The following FEM1B variants were observed in gnomAD, a reference collection of about 807,000 sequenced individuals.
FEM1B encodes the protein fem-1 homolog B, also known as protein fem-1 homolog B.
FEM1B carries 10 observed loss-of-function variants against 38.6 expected under a neutral mutation model. That is an observed-to-expected ratio of 0.26 (90% CI 0.16 to 0.44). The LOEUF is 0.44. FEM1B is among the 20% of genes least tolerant of loss of function. The pLI is 1.00. For synonymous variants in FEM1B, 288 were observed against 288.0 expected (o/e 1.00, Z 0.00); for missense variants, 471 against 786.7 (o/e 0.60, Z 4.80).
rs1052742255 is a variant in FEM1B at position 68,278,943 on chromosome 15, A to G, written c.248+278A>G. On this transcript the variant is annotated intron_variant, in intron 1 of 1. Coordinates refer to ENST00000306917, the MANE Select transcript of FEM1B (RefSeq NM_015322.5). This position sits in a 1 kb window ranked among gnomAD's most constrained non-coding sequence, Gnocchi z 5.7. ...AAATCTAATAGTCGTCTTCTCTACTAGATAGTCTGTGAACAAGCCATTTGG... is the reference window on the plus strand; with the variant it reads ...AAATCTAATAGTCGTCTTCTCTACTGGATAGTCTGTGAACAAGCCATTTGG... 6.6e-6 allele frequency among the ~76,000 whole-genome samples: 1 copy of G among 152,106 alleles called. No homozygotes were observed. The highest frequency in any genetic ancestry group is 1.5e-5 in the Non-Finnish European group (1 of 68,034).
rs1045962298 is a variant in FEM1B, at chr15:68,284,957, C to A, written c.249-4650C>A. Reference sequence around the variant, plus strand: ...CTTGCCTTCTGCCATGATTGTGAAGCCTCCCCACCCATGTGGAACTGTAAG... The same window carrying A: ...CTTGCCTTCTGCCATGATTGTGAAGACTCCCCACCCATGTGGAACTGTAAG... On this transcript the variant is annotated intron_variant, in intron 1 of 1. Transcript: ENST00000306917. This position sits in a 1 kb window ranked among gnomAD's most constrained non-coding sequence, Gnocchi z 4.4. 7.9e-5 allele frequency among the ~76,000 whole-genome samples: 12 copies of A among 152,208 alleles called. No individual in the cohort carries two copies. The highest frequency in any genetic ancestry group is 1.3e-4 in the Non-Finnish European group (9 of 68,040).
Position 68,283,807 on chromosome 15 carries a change from T to G in FEM1B, c.248+5142T>G, listed in dbSNP as rs947484822. ...TAAATTGAAACAAATGTTTGAACAATGATGTGTACTATGTTTCCTTACGTT... is the reference window on the plus strand; with the variant it reads ...TAAATTGAAACAAATGTTTGAACAAGGATGTGTACTATGTTTCCTTACGTT... On this transcript the variant is annotated intron_variant, in intron 1 of 1. Transcript: ENST00000306917. Among the ~76,000 whole-genome samples, 7 of 152,158 alleles carry G rather than the reference T, an allele frequency of 4.6e-5. No individual in the cohort carries two copies. The East Asian group carries it at 1.3e-3, about 29-fold the overall frequency.
rs1892823834 is a variant in FEM1B, at chr15:68,289,470, T to C, written c.249-137T>C. On this transcript the variant is annotated intron_variant, in intron 1 of 1. Transcript: ENST00000306917. This position sits in a 1 kb window ranked among gnomAD's most constrained non-coding sequence, Gnocchi z 6.9. ...CAAAGTGCTTTCCTTAAATTACCTG[T>C]TTTTATTTTCATGAGAACTGATGTT... is the stretch of plus-strand genomic sequence containing the variant. 1 of 650,914 alleles carries C rather than the reference T, an allele frequency of 1.5e-6. No homozygotes were observed. Among genetic ancestry groups the C allele is most frequent in the African/African-American group, 1.8e-5 (1 of 54,706 alleles). The allele number at this position is 650,914 out of a possible 1,614,324, so 40.3% of individuals were successfully genotyped here. A position where few individuals can be genotyped will look rare whatever the true frequency, so the allele number is the denominator to read the frequency against.
At chr15:68,283,502 TAAAAAAAAAAAAAA>T (rs60432847) in intron 1 of FEM1B, among the ~76,000 whole-genome samples, 37 of 71,980 alleles carry the variant, frequency 5.1e-4, no homozygotes, top group Admixed American at 3.7e-3. Context: ...CATCTCTACC[TAAAAAAAAAAAAAA>T]AAAAAAAAAA....
At chr15:68,287,055 T>C (rs1892796936) in intron 1 of FEM1B, among the ~76,000 whole-genome samples, 1 of 152,208 alleles carries the variant, frequency 6.6e-6, no homozygotes, top group Admixed American at 6.5e-5. Flanking sequence ...CACTCCTGGC[T>C]AATTTTTGTA....
intron 1 of FEM1B, among the ~76,000 whole-genome samples, chr15:68,285,776 CTCT>C (rs1007012132): frequency 6.6e-6 from 1 of 151,426 alleles, no homozygotes; most frequent in Non-Finnish European, 1.5e-5. Flanking sequence ...TCAAACAGTC[CTCT>C]TCTTAGCCCC....
At chr15:68,279,424 T>C (rs2140241208) in intron 1 of FEM1B, among the ~76,000 whole-genome samples, 1 of 152,338 alleles carries the variant, frequency 6.6e-6, no homozygotes, top group African/African-American at 2.4e-5. Context: ...TGAGTTTAAT[T>C]GTACGAATTT....
rs1393251398 is a variant in FEM1B at position 68,290,874 on chromosome 15, G to A, written c.1516G>A (p.Val506Ile). 5 of 1,614,082 alleles carry A rather than the reference G, an allele frequency of 3.1e-6. No homozygotes were observed. The highest frequency in any genetic ancestry group is 1.3e-5 in the African/African-American group (1 of 75,010). The change falls in exon 2 of 2, where the codon GTC (valine) becomes ATC (isoleucine). Residue 506 changes from valine (V) to isoleucine (I), a missense_variant. Physicochemically the swap from Val to Ile is conservative, Grantham distance 29 (BLOSUM62 3). Transcript: ENST00000306917. This position sits in a 1 kb window ranked among gnomAD's most constrained non-coding sequence, Gnocchi z 9.7. ...TPVDDFHTNDVCSFPNALVTK... is the reference protein window; with the variant it reads ...TPVDDFHTNDICSFPNALVTK... ...AGTTGATGATTTCCACACCAATGAC[G>A]TCTGCAGCTTTCCAAATGCACTTGT... is the stretch of plus-strand genomic sequence containing the variant.
At position 68,278,233 on chromosome 15, in the gene FEM1B, A is replaced by T; in HGVS notation, c.-185A>T. On this transcript the variant is annotated 5_prime_UTR_variant, in exon 1 of 2. Transcript: ENST00000306917. This position sits in a 1 kb window ranked among gnomAD's most constrained non-coding sequence, Gnocchi z 5.7. Reference sequence around the variant, plus strand: ...GGGTCGCGGACGTGCCCTTCGCGGCACTCGGCCTCCTCTGCGTCTCCGCCT... The same window carrying T: ...GGGTCGCGGACGTGCCCTTCGCGGCTCTCGGCCTCCTCTGCGTCTCCGCCT... 2.6e-6 allele frequency: 2 copies of T among 782,782 alleles called. No individual in the cohort carries two copies. 48.5% of individuals were successfully genotyped at this position (782,782 alleles called of 1,614,324 possible).
chr15:68,286,325 G>T (rs1892785678), intron 1 of FEM1B, among the ~76,000 whole-genome samples: 1 of 150,554 alleles, frequency 6.6e-6, no homozygotes, highest in Non-Finnish European at 1.5e-5. Context: ...AGATTATCTT[G>T]GTTGTTTGCA....
Position 68,289,877 on chromosome 15 carries a change from T to C in FEM1B, c.519T>C (p.Leu173=). Residue 173 remains leucine, a synonymous_variant, in exon 2 of 2, where the codon CTT becomes CTC. Transcript: ENST00000306917. This position sits in a 1 kb window ranked among gnomAD's most constrained non-coding sequence, Gnocchi z 6.9. ...YKGHTDVVRY[L]LEQRADPNAK... is the part of the protein sequence containing the mutation. ...GACACACTGATGTGGTCAGATACCT[T>C]TTAGAACAACGTGCTGATCCCAATG... is the stretch of plus-strand genomic sequence containing the variant. 6.2e-7 allele frequency: 1 copy of C among 1,613,934 alleles called. No individual in the cohort carries two copies. The highest frequency in any genetic ancestry group is 8.5e-7 in the Non-Finnish European group (1 of 1,179,898).
In FEM1B at chr15:68,283,502, TAAAAAAAAAAAAAAA is replaced by T. The variant is rs60432847; in HGVS notation, c.248+4853_248+4867del. On this transcript the variant is annotated intron_variant, in intron 1 of 1. Transcript: ENST00000306917. ...AACATAGTGAGACCTCATCTCTACC[TAAAAAAAAAAAAAAA>T]AAAAAAAAAAAAAAAGGTAGTATGC... Among the ~76,000 whole-genome samples the T allele has an allele frequency of 3.0e-3, 219 of 71,982 alleles. 2 individuals carry two copies. Among genetic ancestry groups the T allele is most frequent in the African/African-American group, 0.013 (208 of 15,510 alleles). The allele number at this position is 71,982 out of a possible 152,430, so 47.2% of individuals were successfully genotyped here.
chr15:68,286,436 G>C (rs1454038125), intron 1 of FEM1B, among the ~76,000 whole-genome samples: 1 of 151,886 alleles, frequency 6.6e-6, no homozygotes, highest in Non-Finnish European at 1.5e-5. Flanking sequence ...GAGTGCAGTG[G>C]CCTGATCATG....
rs997823117 is a variant in FEM1B at position 68,278,131 on chromosome 15, A to G, written c.-287A>G. 1 of 334,144 alleles carries G rather than the reference A, an allele frequency of 3.0e-6. No individual in the cohort carries two copies. The highest frequency in any genetic ancestry group is 5.5e-6 in the Non-Finnish European group (1 of 182,472). 20.7% of individuals were successfully genotyped at this position (334,144 alleles called of 1,614,324 possible). ...CCTGAGGCCCGGGGCGGCGTCCGCCATGGAGATCCCCTCGGTCCAGGGCCG... is the reference window on the plus strand; with the variant it reads ...CCTGAGGCCCGGGGCGGCGTCCGCCGTGGAGATCCCCTCGGTCCAGGGCCG... On this transcript the variant is annotated 5_prime_UTR_variant, in exon 1 of 2. The change abolishes an upstream ATG in the 5' untranslated region. Transcript: ENST00000306917. This position sits in a 1 kb window ranked among gnomAD's most constrained non-coding sequence, Gnocchi z 5.7.
In FEM1B at chr15:68,293,615, G is replaced by A. The variant is rs1344252531; in HGVS notation, c.*2373G>A. The A allele has an allele frequency of 6.6e-6, 1 of 150,564 alleles. No homozygotes were observed. The highest frequency in any genetic ancestry group is 2.5e-5 in the African/African-American group (1 of 39,958). 9.3% of individuals were successfully genotyped at this position (150,564 alleles called of 1,614,324 possible). A position where few individuals can be genotyped will look rare whatever the true frequency, so the allele number is the denominator to read the frequency against. On this transcript the variant is annotated 3_prime_UTR_variant, in exon 2 of 2. Coordinates refer to ENST00000306917, the MANE Select transcript of FEM1B (RefSeq NM_015322.5). The surrounding 1 kb of genome is among the most constrained non-coding windows in gnomAD (Gnocchi z 5.8). ...GGTAATTAGATTTTTTGTTTGTTTA[G>A]TATAGTGGTAAATTGTGTAGTATCT...
rs904826108 is a variant in FEM1B, at chr15:68,281,513, C to T, written c.248+2848C>T. Among the ~76,000 whole-genome samples, 12 of 152,162 alleles carry T rather than the reference C, an allele frequency of 7.9e-5. No homozygotes were observed. The highest frequency in any genetic ancestry group is 7.9e-4 in the Admixed American group (12 of 15,284). On this transcript the variant is annotated intron_variant, in intron 1 of 1. Coordinates refer to ENST00000306917, the MANE Select transcript of FEM1B (RefSeq NM_015322.5). This position sits in a 1 kb window ranked among gnomAD's most constrained non-coding sequence, Gnocchi z 5.1. The stretch of plus-strand genomic sequence containing the variant: ...CAAAAGTTTTAAAAAGTCTATTCTA[C>T]CTAAAACCTTCTATAATACCTTAGG...
At chr15:68,279,160 C>A (rs368375615) in intron 1 of FEM1B, among the ~76,000 whole-genome samples, 4 of 152,158 alleles carry the variant, frequency 2.6e-5, no homozygotes, top group African/African-American at 7.2e-5. Flanking sequence ...AAAATAAGCA[C>A]CTAGAACCAG....
rs1892883057 is a variant in FEM1B at position 68,294,530 on chromosome 15, A to C, written c.*3288A>C. On this transcript the variant is annotated 3_prime_UTR_variant, in exon 2 of 2. Transcript: ENST00000306917. This position sits in a 1 kb window ranked among gnomAD's most constrained non-coding sequence, Gnocchi z 4.4. ...CAACACCCTGTTAAGAGTTTTCACT[A>C]TAGTTGAGGCAGCTACTTTATGAAT... 6.6e-6 allele frequency: 1 copy of C among 152,112 alleles called. No individual in the cohort carries two copies. Among genetic ancestry groups the C allele is most frequent in the African/African-American group, 2.4e-5 (1 of 41,430 alleles). 9.4% of individuals were successfully genotyped at this position (152,112 alleles called of 1,614,324 possible). A position where few individuals can be genotyped will look rare whatever the true frequency, so the allele number is the denominator to read the frequency against.
intron 1 of FEM1B, among the ~76,000 whole-genome samples, chr15:68,282,206 G>T (rs1892736202): frequency 6.6e-6 from 1 of 152,130 alleles, no homozygotes; most frequent in Admixed American, 6.5e-5. Flanking sequence ...GGGGTTTGCT[G>T]ATGTGGATGG....
Sources: gnomAD v4.1 joint callset for allele counts (sites outside exome capture counted in the v4.1 genomes callset) on GRCh38, gnomAD v4.1.1 for gene constraint, Gnocchi (gnomAD v3.1) non-coding constraint, MANE v1.5 for transcripts, NCBI Gene and HGNC (gene_info 2026-07-23, HGNC 2026-07-21) for gene names.